SIK3: variants seen among roughly 807,000 people sequenced by gnomAD.
SIK3 encodes the protein SIK family kinase 3.
A neutral mutation model predicts 144.2 loss-of-function variants in SIK3; 28 were observed. That is an observed-to-expected ratio of 0.19 (90% CI 0.14 to 0.27). The LOEUF is 0.27. SIK3 is among the 10% of genes least tolerant of loss of function. SIK3 has a pLI of 1.00. For synonymous variants in SIK3, 686 were observed against 676.3 expected, an observed-to-expected ratio of 1.01 and a Z score of -0.22; for missense variants, 1,319 against 1,776.0, an observed-to-expected ratio of 0.74 and a Z score of 4.62.
intron 1 of SIK3, among the ~76,000 whole-genome samples, chr11:117,083,892 T>C (rs907834697): frequency 1.3e-5 from 2 of 152,202 alleles, no homozygotes; most frequent in African/African-American, 2.4e-5. Context: ...CCTCTTAAAC[T>C]AAAGAGTTTG....
In SIK3 at chr11:116,967,015, G is replaced by GAA. The variant is rs1233594261; in HGVS notation, c.274-9953_274-9952dup. ...CAAGACTCTGTTTCAAAAAAAAAAA[G>GAA]AAAAAGAAAAAGAAAAAGAAAAGAA... On this transcript the variant is annotated intron_variant, in intron 1 of 24. Coordinates refer to ENST00000445177, the MANE Select transcript of SIK3 (RefSeq NM_001366686.3). Among the ~76,000 whole-genome samples the GAA allele has an allele frequency of 7.0e-5, 9 of 127,870 alleles. 1 individual carries two copies. The highest frequency in any genetic ancestry group is 3.4e-4 in the Admixed American group (4 of 11,666). The allele number at this position is 127,870 out of a possible 152,430, so 83.9% of individuals were successfully genotyped here.
chr11:117,007,075 T>C (rs1951075230), intron 1 of SIK3, among the ~76,000 whole-genome samples: 1 of 152,194 alleles, frequency 6.6e-6, no homozygotes. Context: ...GCAACAGTTT[T>C]ATATTGAAAA....
chr11:116,966,742 T>A (rs1359586974), intron 1 of SIK3, among the ~76,000 whole-genome samples: 2 of 151,680 alleles, frequency 1.3e-5, no homozygotes, highest in African/African-American at 2.4e-5. Flanking sequence ...CTATAAAAAA[T>A]GAAATTTTGC....
chr11:116,896,146 A>G, intron 6 of SIK3, 107 bp downstream of exon 6: 1 of 1,472,406 alleles, frequency 6.8e-7, no homozygotes, highest in Non-Finnish European at 9.3e-7. Context: ...GGAGTTAAAA[A>G]AGGTTGTAAG....
chr11:117,091,008 T>C (rs1205739605), intron 1 of SIK3, among the ~76,000 whole-genome samples: 2 of 152,144 alleles, frequency 1.3e-5, no homozygotes, highest in Non-Finnish European at 2.9e-5. Flanking sequence ...AAGGGCACTG[T>C]TTTCTGTGAT....
chr11:116,847,380 A>AC, intron 23 of SIK3, 96 bp downstream of exon 23: 1 of 1,537,104 alleles, frequency 6.5e-7, no homozygotes, highest in Non-Finnish European at 8.9e-7. Flanking sequence ...CTACCTCCCC[A>AC]TGAGCTCTTC....
intron 4 of SIK3, among the ~76,000 whole-genome samples, chr11:116,915,122 A>ATGTGTGTGTGTGTGTGTGTG (rs1423283335): frequency 4.0e-5 from 4 of 100,024 alleles, no homozygotes; most frequent in African/African-American, 9.8e-5. Flanking sequence ...AGGAAGCCAT[A>ATGTGTGTGTGTGTGTGTGTG]TATGTGTGTG....
At chr11:116,847,728 G>T in intron 22 of SIK3, 120 bp from the exon 23 acceptor site, 1 of 1,197,264 alleles carries the variant, frequency 8.4e-7, no homozygotes, top group Non-Finnish European at 1.2e-6. Context: ...CCCCACTCCA[G>T]ACTCCTTCCT....
At chr11:117,018,724 T>TATTTTA (rs200266018) in intron 1 of SIK3, among the ~76,000 whole-genome samples, 2 of 151,224 alleles carry the variant, frequency 1.3e-5, no homozygotes, top group Non-Finnish European at 1.5e-5. Context: ...TTATTTATTT[T>TATTTTA]TTTTTTTTGA....
At chr11:116,881,552 T>A (rs572941679) in intron 6 of SIK3, among the ~76,000 whole-genome samples, 1 of 152,292 alleles carries the variant, frequency 6.6e-6, no homozygotes, top group East Asian at 1.9e-4. Flanking sequence ...TTCTTTTTTT[T>A]TGTCCTTGAT....
intron 4 of SIK3, among the ~76,000 whole-genome samples, chr11:116,914,784 A>C (rs1326434722): frequency 6.6e-6 from 1 of 152,180 alleles, no homozygotes. Context: ...GTATACTTGG[A>C]TTAGAATGTA....
chr11:117,072,583 C>T (rs757127957), intron 1 of SIK3, among the ~76,000 whole-genome samples: 3 of 152,052 alleles, frequency 2.0e-5, no homozygotes, highest in African/African-American at 4.8e-5. Context: ...CCATACCACT[C>T]GCTAATACAT....
intron 1 of SIK3, among the ~76,000 whole-genome samples, chr11:117,070,993 T>C (rs1484598326): frequency 2.6e-5 from 4 of 152,034 alleles, no homozygotes; most frequent in Non-Finnish European, 5.9e-5. Flanking sequence ...CCTCCCAAAG[T>C]GCTGAGATTA....
At chr11:117,022,880 G>GA (rs1951835652) in intron 1 of SIK3, among the ~76,000 whole-genome samples, 1 of 150,906 alleles carries the variant, frequency 6.6e-6, no homozygotes, top group Non-Finnish European at 1.5e-5. Flanking sequence ...TATTGTAAGT[G>GA]AAAAACCCAC....
chr11:116,945,565 C>G (rs1390786824), intron 3 of SIK3, among the ~76,000 whole-genome samples: 1 of 151,896 alleles, frequency 6.6e-6, no homozygotes, highest in Non-Finnish European at 1.5e-5. Context: ...ATCCTGGTCT[C>G]ACTTGCCTTC....
chr11:116,853,879 C>A (rs1437467632), intron 21 of SIK3, among the ~76,000 whole-genome samples: 1 of 152,188 alleles, frequency 6.6e-6, no homozygotes, highest in Non-Finnish European at 1.5e-5. Context: ...GGGTGGCAGG[C>A]AGGGAGATTA....
intron 3 of SIK3, among the ~76,000 whole-genome samples, chr11:116,935,039 C>T (rs527646500): frequency 1.2e-4 from 18 of 152,000 alleles, no homozygotes; most frequent in Admixed American, 3.9e-4. Context: ...AAGCCGAGAT[C>T]GTGCCACTGC....
At chr11:116,934,703 G>T (rs1421574368) in intron 3 of SIK3, among the ~76,000 whole-genome samples, 4 of 152,308 alleles carry the variant, frequency 2.6e-5, no homozygotes, top group African/African-American at 9.6e-5. Flanking sequence ...GCCAGGCATG[G>T]TGGTTCACAC....
rs61610114 is a variant in SIK3 at position 117,089,406 on chromosome 11, C to CAA, written c.273+8735_273+8736dup. ...TGGGCAACAGAGTGAGACTCCGTCTCAAAAAAAAAAAAAAAAGACTAAGAA... is the reference window on the plus strand; with the variant it reads ...TGGGCAACAGAGTGAGACTCCGTCTCAAAAAAAAAAAAAAAAAAGACTAAGAA... On this transcript the variant is annotated intron_variant, in intron 1 of 24. Coordinates refer to ENST00000445177, the MANE Select transcript of SIK3 (RefSeq NM_001366686.3). Among the ~76,000 whole-genome samples, 105 of 90,446 alleles carry CAA rather than the reference C, an allele frequency of 1.2e-3. 1 individual carries two copies. Among genetic ancestry groups the CAA allele is most frequent in the African/African-American group, 3.8e-3 (94 of 24,472 alleles). The allele number at this position is 90,446 out of a possible 152,430, so 59.3% of individuals were successfully genotyped here.
Sources: allele counts gnomAD v4.1 joint callset (sites outside exome capture counted in the v4.1 genomes callset), GRCh38; gene constraint gnomAD v4.1.1; transcripts MANE v1.5; gene names NCBI Gene and HGNC (gene_info 2026-07-23, HGNC 2026-07-21).